GALNT17: variants seen among roughly 807,000 people sequenced by gnomAD.
The protein encoded by GALNT17 is polypeptide N-acetylgalactosaminyltransferase 17.
In GALNT17, 29 loss-of-function variants were observed where a neutral mutation model predicts 63.7. The ratio of observed to expected loss-of-function variants is 0.46; its 90% CI spans 0.34 to 0.62. GALNT17 has a LOEUF of 0.62. Ranked by LOEUF, GALNT17 falls within the 20% of genes least tolerant of loss-of-function variation. The pLI is 0.01. For missense variants in GALNT17, 603 were observed against 799.6 expected (o/e 0.75, Z 2.97); for synonymous variants, 305 against 318.3 (o/e 0.96, Z 0.45).
chr7:71,386,581 G>A (rs145777960), intron 2 of GALNT17, among the ~76,000 whole-genome samples: 2,000 of 152,186 alleles, frequency 0.013, 12 homozygotes, highest in Admixed American at 0.021. Flanking sequence ...CACGTTCCCC[G>A]GGTACTAAAT....
chr7:71,370,514 T>C (rs1792601679), intron 2 of GALNT17, among the ~76,000 whole-genome samples: 1 of 152,138 alleles, frequency 6.6e-6, no homozygotes, highest in East Asian at 1.9e-4. Flanking sequence ...AGACAGAGTT[T>C]CCATCTGTCA....
intron 1 of GALNT17, among the ~76,000 whole-genome samples, chr7:71,287,528 C>T (rs1308159452): frequency 1.1e-4 from 17 of 152,100 alleles, no homozygotes; most frequent in Non-Finnish European, 2.5e-4. Context: ...TTCTGTTATC[C>T]ATTTATAGTT....
intron 5 of GALNT17, among the ~76,000 whole-genome samples, chr7:71,558,050 G>C (rs1484434788): frequency 2.0e-5 from 3 of 152,090 alleles, no homozygotes; most frequent in Non-Finnish European, 4.4e-5. Flanking sequence ...CTCCAGCCTG[G>C]GCCACAGAGC....
intron 1 of GALNT17, among the ~76,000 whole-genome samples, chr7:71,148,858 T>TATATA (rs1788075671): frequency 3.5e-4 from 32 of 91,908 alleles, no homozygotes; most frequent in African/African-American, 1.5e-3. Context: ...ATTATGGTAT[T>TATATA]TTTATATATA....
intron 9 of GALNT17, among the ~76,000 whole-genome samples, chr7:71,708,344 G>A (rs1344501170): frequency 6.6e-6 from 1 of 152,148 alleles, no homozygotes; most frequent in Non-Finnish European, 1.5e-5. Context: ...AGGGAAGAGA[G>A]CATGTGCAGG....
chr7:71,388,133 G>A (rs1043700635), intron 2 of GALNT17, 102 bp from the exon 3 acceptor site: 11 of 1,288,032 alleles, frequency 8.5e-6, no homozygotes, highest in African/African-American at 2.9e-5. Flanking sequence ...GCCTTGGGAC[G>A]ACTGGATGAG....
chr7:71,142,390 C>G (rs1787931708), intron 1 of GALNT17, among the ~76,000 whole-genome samples: 1 of 152,180 alleles, frequency 6.6e-6, no homozygotes, highest in African/African-American at 2.4e-5. Context: ...CCATCCCCTG[C>G]TCCTCCTCTT....
At chr7:71,246,116 T>C (rs13235878) in intron 1 of GALNT17, among the ~76,000 whole-genome samples, 3 of 32,720 alleles carry the variant, frequency 9.2e-5, no homozygotes, top group African/African-American at 5.4e-4. Context: ...TTTTTCGTTG[T>C]TTTTTTTTTT....
At chr7:71,645,247 A>G (rs1584109909) in intron 6 of GALNT17, among the ~76,000 whole-genome samples, 1 of 152,176 alleles carries the variant, frequency 6.6e-6, no homozygotes, top group Non-Finnish European at 1.5e-5. Flanking sequence ...AGATGGTGAT[A>G]TGGTTCGGTT....
At chr7:71,258,831 G>T (rs1790331879) in intron 1 of GALNT17, among the ~76,000 whole-genome samples, 1 of 152,220 alleles carries the variant, frequency 6.6e-6, no homozygotes, top group Non-Finnish European at 1.5e-5. Flanking sequence ...TTACAGAGAG[G>T]ATGATATTTA....
chr7:71,582,472 T>G (rs1789650618), intron 6 of GALNT17, among the ~76,000 whole-genome samples: 1 of 150,376 alleles, frequency 6.6e-6, no homozygotes. Context: ...ACCCAGCTAC[T>G]CGGGAGGCTG....
intron 1 of GALNT17, among the ~76,000 whole-genome samples, chr7:71,197,192 C>CTT (rs34276195): frequency 0.018 from 1,272 of 69,824 alleles, 5 homozygotes; most frequent in Non-Finnish European, 0.022. Flanking sequence ...CCCTGTTGTG[C>CTT]TTTTTTTTTT....
At position 71,390,844 on chromosome 7, in the gene GALNT17, A is replaced by G. The variant is rs1224055668; in HGVS notation, c.589+2443A>G. Among the ~76,000 whole-genome samples the G allele has an allele frequency of 2.6e-5, 4 of 152,300 alleles. No individual in the cohort carries two copies. The East Asian group carries it at 7.7e-4, about 29-fold the overall frequency. On this transcript the variant is annotated intron_variant, in intron 3 of 10. Coordinates refer to ENST00000333538, the MANE Select transcript of GALNT17 (RefSeq NM_022479.3). Reference sequence around the variant, plus strand: ...TAAGACTGTGAAGGGAAGCCATTGTAAAAAGATTGGTACTGTCAGTGTCAG... The same window carrying G: ...TAAGACTGTGAAGGGAAGCCATTGTGAAAAGATTGGTACTGTCAGTGTCAG...
At chr7:71,267,676 G>A (rs1271144440) in intron 1 of GALNT17, among the ~76,000 whole-genome samples, 2 of 151,298 alleles carry the variant, frequency 1.3e-5, no homozygotes, top group Admixed American at 6.5e-5. Flanking sequence ...TACAGCCATG[G>A]AGAACAGCAG....
chr7:71,518,076 G>A (rs2116742928), intron 5 of GALNT17, among the ~76,000 whole-genome samples: 1 of 152,294 alleles, frequency 6.6e-6, no homozygotes. Context: ...GAGAGGAGAA[G>A]AAAAAGAGGA....
chr7:71,494,850 G>C (rs1788068610), intron 5 of GALNT17, among the ~76,000 whole-genome samples: 1 of 152,200 alleles, frequency 6.6e-6, no homozygotes, highest in African/African-American at 2.4e-5. Context: ...CAGCAGGCAG[G>C]AAAGCTTGTG....
intron 3 of GALNT17, among the ~76,000 whole-genome samples, chr7:71,413,914 G>A (rs1277858506): frequency 6.6e-6 from 1 of 152,174 alleles, no homozygotes; most frequent in Admixed American, 6.5e-5. Context: ...TGAGAATGGT[G>A]TCTACTGCTA....
At chr7:71,539,173 C>G (rs1413553292) in intron 5 of GALNT17, among the ~76,000 whole-genome samples, 1 of 152,116 alleles carries the variant, frequency 6.6e-6, no homozygotes, top group Non-Finnish European at 1.5e-5. Flanking sequence ...CTCAAGTGAT[C>G]TGCACCTCTT....
rs1467076452 is a variant in GALNT17, at chr7:71,184,995, CCT to C, written c.238+51956_238+51957del. Among the ~76,000 whole-genome samples, 178 of 129,950 alleles carry C rather than the reference CCT, an allele frequency of 1.4e-3. 2 individuals are homozygous for C. The highest frequency in any genetic ancestry group is 5.4e-3 in the African/African-American group (174 of 32,010). 85.3% of individuals were successfully genotyped at this position (129,950 alleles called of 152,430 possible). The stretch of plus-strand genomic sequence containing the variant: ...TCCTTCCTTCCTTCCTTCCTTCCTT[CCT>C]TCTTCCTTCCCTCCCTCCCTCCTTC... On this transcript the variant is annotated intron_variant, in intron 1 of 10. Transcript: ENST00000333538.
Sources: gnomAD v4.1 joint callset for allele counts (sites outside exome capture counted in the v4.1 genomes callset) on GRCh38, gnomAD v4.1.1 for gene constraint, MANE v1.5 for transcripts, NCBI Gene and HGNC (gene_info 2026-07-23, HGNC 2026-07-21) for gene names.